The following GLI2 variants were observed in gnomAD, a reference collection of about 807,000 sequenced individuals.
The protein encoded by GLI2 is GLI family zinc finger 2, also known as transcription activator GLI2.
In GLI2, 22 loss-of-function variants were observed where a neutral mutation model predicts 78.9. That is an observed-to-expected ratio of 0.28 (90% confidence interval 0.20 to 0.40). The LOEUF (loss-of-function observed/expected upper bound fraction) is 0.40. GLI2 is among the 10% of genes least tolerant of loss of function. The pLI, the probability that GLI2 is intolerant of heterozygous loss-of-function variation, is 1.00. For missense variants in GLI2, 2,097 were observed against 2,213.2 expected (o/e 0.95, Z 1.05); for synonymous variants, 974 against 963.7 (o/e 1.01, Z -0.20).
At chr2:120,887,372 C>G (rs1677463770) in intron 2 of GLI2, among the ~76,000 whole-genome samples, 1 of 152,234 alleles carries the variant, frequency 6.6e-6, no homozygotes, top group Admixed American at 6.5e-5. Flanking sequence ...GAGCCTGGAG[C>G]CTGTGATTAT....
chr2:120,982,797 G>C lies in GLI2; in HGVS notation c.1549G>C (p.Val517Leu). 6.2e-7 allele frequency: 1 copy of C among 1,614,140 alleles called. No individual in the cohort carries two copies. The highest frequency in any genetic ancestry group is 8.5e-7 in the Non-Finnish European group (1 of 1,179,988). Residue 517 changes from valine to leucine, a missense_variant, in exon 11 of 14, where the codon GTG becomes CTG. Transcript: ENST00000361492. ...LRSHTGEKPY[V>L]CEHEGCNKAF... ...GTCCCACACCGGGGAGAAGCCATAT[G>C]TGTGTGAGCACGAGGGCTGCAACAA...
intron 2 of GLI2, among the ~76,000 whole-genome samples, chr2:120,911,753 A>G (rs1458337549): frequency 6.6e-6 from 1 of 151,670 alleles, no homozygotes; most frequent in Non-Finnish European, 1.5e-5. Context: ...AGGTCCAGGA[A>G]GCTTCCTGGA....
chr2:120,920,862 G>A (rs1394177552), intron 2 of GLI2, among the ~76,000 whole-genome samples: 4 of 149,546 alleles, frequency 2.7e-5, no homozygotes, highest in African/African-American at 4.9e-5. Flanking sequence ...TCCCTCTGCC[G>A]GAAGGACATG....
chr2:120,934,959 G>C (rs1002793150), intron 3 of GLI2, among the ~76,000 whole-genome samples: 1 of 152,166 alleles, frequency 6.6e-6, no homozygotes, highest in African/African-American at 2.4e-5. Flanking sequence ...GTGTCATCCC[G>C]GGCCTTTATG....
intron 2 of GLI2, among the ~76,000 whole-genome samples, chr2:120,876,900 T>C (rs1318359323): frequency 6.6e-6 from 1 of 152,226 alleles, no homozygotes; most frequent in Non-Finnish European, 1.5e-5. Context: ...TGTGCTTAAC[T>C]GTAGGTTCCT....
At chr2:120,900,572 G>A (rs1011995183) in intron 2 of GLI2, among the ~76,000 whole-genome samples, 1 of 152,196 alleles carries the variant, frequency 6.6e-6, no homozygotes, top group Non-Finnish European at 1.5e-5. Context: ...GCACCCTAGC[G>A]ATGTTAACCC....
chr2:120,950,266 G>A (rs1367352087), intron 3 of GLI2, among the ~76,000 whole-genome samples: 1 of 152,234 alleles, frequency 6.6e-6, no homozygotes, highest in East Asian at 1.9e-4. Context: ...TTTGCACAAT[G>A]TCAAATTATA....
At chr2:120,960,744 C>CT (rs1681512545) in intron 5 of GLI2, among the ~76,000 whole-genome samples, 1 of 152,204 alleles carries the variant, frequency 6.6e-6, no homozygotes, top group African/African-American at 2.4e-5. Flanking sequence ...CTACGGGGCT[C>CT]TTGTGGGATT....
intron 2 of GLI2, among the ~76,000 whole-genome samples, chr2:120,836,033 A>G (rs970961869): frequency 2.6e-5 from 4 of 152,190 alleles, no homozygotes; most frequent in African/African-American, 9.7e-5. Flanking sequence ...AGTTTACTAT[A>G]TGTTATTACT....
chr2:120,869,628 A>G (rs1051571893), intron 2 of GLI2, among the ~76,000 whole-genome samples: 8 of 152,250 alleles, frequency 5.3e-5, no homozygotes, highest in African/African-American at 1.9e-4. Flanking sequence ...ATCAATCACC[A>G]GGCAGTGTCG....
intron 2 of GLI2, among the ~76,000 whole-genome samples, chr2:120,819,622 CAG>C (rs1279746961): frequency 6.6e-6 from 1 of 152,162 alleles, no homozygotes; most frequent in African/African-American, 2.4e-5. Flanking sequence ...ATGGCAGGCA[CAG>C]AGAATTCTAT....
intron 1 of GLI2, among the ~76,000 whole-genome samples, chr2:120,795,825 A>C (rs1684365915): frequency 6.6e-6 from 1 of 152,096 alleles, no homozygotes; most frequent in South Asian, 2.1e-4. Context: ...CAAGGCGGGC[A>C]GATCACCTGA....
chr2:120,989,853 A>G lies in GLI2; in HGVS notation c.3888A>G (p.Pro1296=), dbSNP rs10167980. 1,111,629 of 1,611,978 alleles carry G rather than the reference A, an allele frequency of 0.69. 391,025 individuals carry two copies. The highest frequency in any genetic ancestry group is 0.74 in the Non-Finnish European group (867,470 of 1,179,298). The stretch of plus-strand genomic sequence containing the variant: ...CCGATTCAGCCCTGGCTGGAGTGCC[A>G]CCACCTCACCCAGTCCAGAGCTACC... ...GVPDSALAGV[P]PPHPVQSYPQ... The change falls in exon 14 of 14, where the codon CCA becomes CCG. Residue 1296 remains proline (P), a synonymous_variant. Transcript: ENST00000361492.
Position 120,984,468 on chromosome 2 carries a change from C to A in GLI2, c.1633-3C>A. The A allele has an allele frequency of 6.2e-7, 1 of 1,614,142 alleles. No homozygotes were observed. Among genetic ancestry groups the A allele is most frequent in the Non-Finnish European group, 8.5e-7 (1 of 1,179,976 alleles). ...CATGACACAGGCCTGCTTCTCTCCCCAGAAACCCTACATCTGCAAGATCCC... is the reference window on the plus strand; with the variant it reads ...CATGACACAGGCCTGCTTCTCTCCCAAGAAACCCTACATCTGCAAGATCCC... On this transcript the variant is annotated splice_region_variant and splice_polypyrimidine_tract_variant and intron_variant, in intron 11 of 13. Transcript: ENST00000361492.
At chr2:120,850,464 A>T (rs1434718453) in intron 2 of GLI2, among the ~76,000 whole-genome samples, 1 of 152,248 alleles carries the variant, frequency 6.6e-6, no homozygotes, top group Non-Finnish European at 1.5e-5. Context: ...GCTCTCAGGC[A>T]GATGGGAGGG....
chr2:120,753,829 C>A (rs938261776), intron 1 of GLI2, among the ~76,000 whole-genome samples: 2 of 148,222 alleles, frequency 1.3e-5, no homozygotes, highest in Non-Finnish European at 3.0e-5. Flanking sequence ...ACCCGGGAGG[C>A]GGAGCTTGCA....
intron 11 of GLI2, among the ~76,000 whole-genome samples, chr2:120,983,109 G>A (rs1682792126): frequency 6.6e-6 from 1 of 152,068 alleles, no homozygotes; most frequent in Non-Finnish European, 1.5e-5. Flanking sequence ...GAGGTCCCAT[G>A]GCATACTGAC....
Position 120,990,578 on chromosome 2 carries a change from C to T in GLI2, c.4613C>T (p.Ser1538Phe). 1.2e-6 allele frequency: 2 copies of T among 1,614,052 alleles called. No homozygotes were observed. The highest frequency in any genetic ancestry group is 1.7e-6 in the Non-Finnish European group (2 of 1,179,996). The change falls in exon 14 of 14, where the codon TCC becomes TTC. Residue 1538 changes from serine to phenylalanine, a missense_variant. By Grantham distance (155) the Ser-to-Phe change is radical. This residue lies in a region of GLI2 where 1,290 missense variants were observed against 1,261.7 expected (regional missense o/e 1.02). Coordinates refer to ENST00000361492, the MANE Select transcript of GLI2 (RefSeq NM_001374353.1). ...CCCCGAAACTCCTTGACCCTGCCCT[C>T]CATCCCCGCAGGCATCAGCAACATG... Reference protein sequence around the residue: ...TTPRNSLTLPSIPAGISNMAV... With the variant: ...TTPRNSLTLPFIPAGISNMAV...
intron 11 of GLI2, among the ~76,000 whole-genome samples, chr2:120,983,454 A>G (rs895844325): frequency 6.6e-6 from 1 of 152,202 alleles, no homozygotes; most frequent in African/African-American, 2.4e-5. Flanking sequence ...ACTGGGGAGC[A>G]GCTGCCCCAC....
Sources: gnomAD v4.1 joint callset for allele counts (sites outside exome capture counted in the v4.1 genomes callset) on GRCh38, gnomAD v4.1.1 for gene constraint, gnomAD v4.1.1 regional missense constraint, MANE v1.5 for transcripts, NCBI Gene and HGNC (gene_info 2026-07-23, HGNC 2026-07-21) for gene names.